Variants in PTPRK observed in about 807,000 individuals in gnomAD.
The protein encoded by PTPRK is protein tyrosine phosphatase receptor type K, also known as receptor-type tyrosine-protein phosphatase kappa.
In PTPRK, 75 loss-of-function variants were observed where a neutral mutation model predicts 178.0. The observed-to-expected ratio is 0.42, with a 90% confidence interval of 0.35 to 0.51. The LOEUF is 0.51. Among genes scored for constraint, PTPRK ranks in the 20% least tolerant of loss-of-function variants. The probability of loss-of-function intolerance (pLI) is 0.02; values close to 1 mark genes in which losing one functional copy is unlikely to be tolerated. For synonymous variants in PTPRK, 637 were observed against 620.6 expected (o/e 1.03, Z -0.39); for missense variants, 1,441 against 1,797.8 (o/e 0.80, Z 3.59).
At chr6:128,415,039 G>A (rs1842690956) in intron 1 of PTPRK, among the ~76,000 whole-genome samples, 1 of 152,108 alleles carries the variant, frequency 6.6e-6, no homozygotes, top group African/African-American at 2.4e-5. Flanking sequence ...CGATTCCAAA[G>A]CTTGTATACT....
At chr6:128,507,138 G>T (rs1473168133) in intron 1 of PTPRK, among the ~76,000 whole-genome samples, 1 of 152,062 alleles carries the variant, frequency 6.6e-6, no homozygotes, top group Non-Finnish European at 1.5e-5. Flanking sequence ...TCCAATGTCC[G>T]CACTCTTAAA....
intron 6 of PTPRK, among the ~76,000 whole-genome samples, chr6:128,198,448 A>G (rs920807018): frequency 1.3e-5 from 2 of 152,032 alleles, no homozygotes; most frequent in Non-Finnish European, 2.9e-5. Context: ...CAGGGAGGGG[A>G]ACATTATACA....
intron 2 of PTPRK, among the ~76,000 whole-genome samples, chr6:128,334,956 C>T (rs1246689916): frequency 2.0e-5 from 3 of 151,988 alleles, no homozygotes; most frequent in African/African-American, 4.8e-5. Flanking sequence ...GGCGTGGTGG[C>T]GGGCACCTGT....
At chr6:128,091,623 G>C (rs1786970064) in intron 7 of PTPRK, among the ~76,000 whole-genome samples, 1 of 152,114 alleles carries the variant, frequency 6.6e-6, no homozygotes, top group Admixed American at 6.5e-5. Flanking sequence ...AAAATACCTA[G>C]AGTATATGAG....
chr6:128,036,009 T>C (rs1776144179), intron 13 of PTPRK, among the ~76,000 whole-genome samples: 1 of 152,252 alleles, frequency 6.6e-6, no homozygotes. Context: ...TAAAGTTAGG[T>C]AACTTTGGTT....
chr6:128,127,317 T>TTGTC lies in PTPRK; in HGVS notation c.1163-37326_1163-37325insGACA, dbSNP rs201011677. ...ATAAACTTTAGAATTGGTTTATTGA[T>TTGTC]TATCTACAAAATAGACACTGGGACT... is the stretch of plus-strand genomic sequence containing the variant. On this transcript the variant is annotated intron_variant, in intron 7 of 29. Transcript: ENST00000368226. Among the ~76,000 whole-genome samples, 446 of 152,316 alleles carry TTGTC rather than the reference T, an allele frequency of 2.9e-3. 2 individuals carry two copies. The highest frequency in any genetic ancestry group is 0.01 in the African/African-American group (421 of 41,572).
intron 3 of PTPRK, among the ~76,000 whole-genome samples, chr6:128,257,746 A>T (rs1817566965): frequency 6.6e-6 from 1 of 152,146 alleles, no homozygotes; most frequent in African/African-American, 2.4e-5. Context: ...CATTGTCTTC[A>T]CTCTAAGATT....
At chr6:128,269,852 C>T (rs189565488) in intron 3 of PTPRK, among the ~76,000 whole-genome samples, 1 of 152,024 alleles carries the variant, frequency 6.6e-6, no homozygotes, top group African/African-American at 2.4e-5. Context: ...ACAACATTTC[C>T]TAAAATCACT....
In PTPRK at chr6:128,185,675, C is replaced by CT. The variant is rs1054976952; in HGVS notation, c.869-951dup. On this transcript the variant is annotated intron_variant, in intron 6 of 29. Transcript: ENST00000368226. Reference sequence around the variant, plus strand: ...TAATTGCTCAAAAATTAATTTAAAACTTTTTTTAAGAGTTGGAGCAAATCA... The same window carrying CT: ...TAATTGCTCAAAAATTAATTTAAAACTTTTTTTTAAGAGTTGGAGCAAATCA... 2.0e-5 allele frequency among the ~76,000 whole-genome samples: 3 copies of CT among 152,060 alleles called. No homozygotes were observed. In the East Asian group the frequency reaches 5.8e-4, roughly 29 times the overall value.
At chr6:128,067,907 T>A in intron 11 of PTPRK, 115 bp from the exon 12 acceptor site, 1 of 1,021,564 alleles carries the variant, frequency 9.8e-7, no homozygotes, top group Non-Finnish European at 1.3e-6. Context: ...TCAAAGTATT[T>A]AAAGTTAGTC....
chr6:128,494,695 A>C (rs987323455), intron 1 of PTPRK, among the ~76,000 whole-genome samples: 1 of 152,204 alleles, frequency 6.6e-6, no homozygotes, highest in Non-Finnish European at 1.5e-5. Flanking sequence ...AAGTGGCACC[A>C]CGCCGTCATG....
chr6:128,032,936 A>T (rs1052266983), intron 13 of PTPRK, among the ~76,000 whole-genome samples: 3 of 151,004 alleles, frequency 2.0e-5, no homozygotes, highest in African/African-American at 7.4e-5. Flanking sequence ...AGATATTTTT[A>T]AAAAATCATT....
intron 3 of PTPRK, among the ~76,000 whole-genome samples, chr6:128,261,701 T>TTTTTAA (rs112620133): frequency 0.068 from 10,402 of 152,094 alleles, 976 homozygotes; most frequent in African/African-American, 0.21. Flanking sequence ...AATAAATACA[T>TTTTTAA]TTTTAATTTT....
intron 13 of PTPRK, among the ~76,000 whole-genome samples, chr6:128,055,046 A>C (rs1207124905): frequency 6.6e-6 from 1 of 152,220 alleles, no homozygotes; most frequent in Non-Finnish European, 1.5e-5. Context: ...TTTAAACATA[A>C]GAGAGTTAAA....
chr6:128,426,635 C>T (rs1562496856), intron 1 of PTPRK, among the ~76,000 whole-genome samples: 1 of 152,148 alleles, frequency 6.6e-6, no homozygotes, highest in African/African-American at 2.4e-5. Context: ...CAAGATGTAA[C>T]ATTTTCAAAG....
intron 2 of PTPRK, among the ~76,000 whole-genome samples, chr6:128,387,842 T>A (rs1474217265): frequency 6.6e-6 from 1 of 152,106 alleles, no homozygotes; most frequent in African/African-American, 2.4e-5. Flanking sequence ...GGAAACCTGA[T>A]GCTAGGCTGA....
chr6:128,009,381 A>C, intron 13 of PTPRK, 113 bp from the exon 14 acceptor site: 2 of 925,358 alleles, frequency 2.2e-6, no homozygotes, highest in South Asian at 3.7e-5. Context: ...ATATTAATAA[A>C]AATAATCCCA....
Position 128,235,780 on chromosome 6 carries a change from G to T in PTPRK, c.693+4255C>A, listed in dbSNP as rs767303027. 3.9e-5 allele frequency among the ~76,000 whole-genome samples: 6 copies of T among 152,070 alleles called. No homozygotes were observed. In the East Asian group the frequency reaches 1.2e-3, roughly 29 times the overall value. ...CAATGATCTAGGATAGCCCCAAGCA[G>T]ATGAACCTCCTTCTGACATATTGTC... On this transcript the variant is annotated intron_variant, in intron 5 of 29. Transcript: ENST00000368226.
chr6:128,200,397 A>T (rs772259749), intron 6 of PTPRK, among the ~76,000 whole-genome samples: 9 of 152,108 alleles, frequency 5.9e-5, no homozygotes, highest in Non-Finnish European at 1.0e-4. Context: ...TACTTAAGAT[A>T]CAAATTAGAG....
Sources: allele counts gnomAD v4.1 joint callset (sites outside exome capture counted in the v4.1 genomes callset), GRCh38; gene constraint gnomAD v4.1.1; transcripts MANE v1.5; gene names NCBI Gene and HGNC (gene_info 2026-07-23, HGNC 2026-07-21).